SLC24A2: variants seen among roughly 807,000 people sequenced by gnomAD.
SLC24A2 encodes solute carrier family 24 member 2, also known as sodium/potassium/calcium exchanger 2.
Under a neutral mutation model 62.0 loss-of-function variants are expected in SLC24A2, and 36 were observed. The observed-to-expected ratio is 0.58, with a 90% CI of 0.44 to 0.77. The LOEUF is 0.77. Among genes scored for constraint, SLC24A2 ranks in the 30% least tolerant of loss-of-function variants. The pLI is 0.00. For missense variants in SLC24A2, 846 were observed against 817.9 expected, an observed-to-expected ratio of 1.03 and a Z score of -0.42; for synonymous variants, 358 against 294.0, an observed-to-expected ratio of 1.22 and a Z score of -2.23.
chr9:20,267,454 G>A, the SLC24A2 span, among the ~76,000 whole-genome samples: 22 of 152,280 alleles, frequency 1.4e-4, 1 homozygote, highest in East Asian at 1.9e-4. Flanking sequence ...CCCGAGTGCC[G>A]CCACCACCCC....
chr9:20,294,496 G>A, the SLC24A2 span, among the ~76,000 whole-genome samples: 50 of 152,162 alleles, frequency 3.3e-4, no homozygotes, highest in Admixed American at 1.3e-3. Flanking sequence ...TCTTGTCTCA[G>A]AAATAATTCA....
the SLC24A2 span, among the ~76,000 whole-genome samples, chr9:19,900,550 T>C: frequency 6.6e-6 from 1 of 152,206 alleles, no homozygotes; most frequent in African/African-American, 2.4e-5. Context: ...ATTAACATTA[T>C]CTCTTATGAG....
At chr9:19,760,514 C>A (rs4977320) in intron 2 of SLC24A2, among the ~76,000 whole-genome samples, 1 of 151,820 alleles carries the variant, frequency 6.6e-6, no homozygotes, top group Non-Finnish European at 1.5e-5. Context: ...CTATCCCTCC[C>A]CTTGTCCCTG....
chr9:19,743,555 C>G (rs1435941398), intron 2 of SLC24A2, among the ~76,000 whole-genome samples: 2 of 152,152 alleles, frequency 1.3e-5, no homozygotes, highest in Non-Finnish European at 2.9e-5. Flanking sequence ...AGAGCAGTTA[C>G]TGCGCAGTAC....
At position 19,641,397 on chromosome 9, in the gene SLC24A2, C is replaced by A. The variant is rs377206660; in HGVS notation, c.931-19098G>T. On this transcript the variant is annotated intron_variant, in intron 2 of 10. Transcript: ENST00000341998. ...TGTCTAGTGGGCATAATAAACTTAA[C>A]AAAACCAAAGTTCACTTTCAAAGAT... is the stretch of plus-strand genomic sequence containing the variant. Among the ~76,000 whole-genome samples, 4 of 152,226 alleles carry A rather than the reference C, an allele frequency of 2.6e-5. No homozygotes were observed. In the East Asian group the frequency reaches 7.7e-4, roughly 29 times the overall value.
At chr9:19,821,361 T>A in the SLC24A2 span, among the ~76,000 whole-genome samples, 1 of 152,142 alleles carries the variant, frequency 6.6e-6, no homozygotes, top group Non-Finnish European at 1.5e-5. Flanking sequence ...GTGATGATTG[T>A]CCCTATTGCT....
At chr9:19,693,519 C>T (rs1820100750) in intron 2 of SLC24A2, among the ~76,000 whole-genome samples, 1 of 152,110 alleles carries the variant, frequency 6.6e-6, no homozygotes. Flanking sequence ...TAGATGAAAG[C>T]ATTGCCTTTA....
chr9:19,783,547 TC>T (rs1466445922), intron 2 of SLC24A2, among the ~76,000 whole-genome samples: 1 of 152,160 alleles, frequency 6.6e-6, no homozygotes, highest in African/African-American at 2.4e-5. Flanking sequence ...CCAGGATTCA[TC>T]CCCATTTCAG....
chr9:19,614,438 T>C (rs1201722102), intron 4 of SLC24A2, among the ~76,000 whole-genome samples: 1 of 152,168 alleles, frequency 6.6e-6, no homozygotes, highest in Non-Finnish European at 1.5e-5. Flanking sequence ...ATGTGGTCCA[T>C]CCAGAGCACA....
chr9:20,103,768 T>G, the SLC24A2 span, among the ~76,000 whole-genome samples: 13 of 151,578 alleles, frequency 8.6e-5, no homozygotes, highest in African/African-American at 1.9e-4. Context: ...ACAGAAAAAC[T>G]GGAAACTCTA....
chr9:20,262,982 T>C, the SLC24A2 span, among the ~76,000 whole-genome samples: 1 of 152,196 alleles, frequency 6.6e-6, no homozygotes, highest in East Asian at 1.9e-4. Flanking sequence ...TCAGTTAATG[T>C]TCCCTGAGAG....
the SLC24A2 span, among the ~76,000 whole-genome samples, chr9:19,872,104 G>A: frequency 1.3e-5 from 2 of 152,144 alleles, no homozygotes; most frequent in Non-Finnish European, 2.9e-5. Flanking sequence ...TCCAATTGTG[G>A]AACCTGGTGG....
At chr9:20,001,911 C>T in the SLC24A2 span, among the ~76,000 whole-genome samples, 1 of 152,252 alleles carries the variant, frequency 6.6e-6, no homozygotes, top group African/African-American at 2.4e-5. Context: ...GAAAAATGTA[C>T]TTCATGGAAA....
Position 19,521,504 on chromosome 9 carries a change from A to G in SLC24A2, c.1570-444T>C, listed in dbSNP as rs16937590. On this transcript the variant is annotated intron_variant, in intron 9 of 10. Transcript: ENST00000341998. ...CCCAGGGTCTCCATTCTCCTTTAGCATCTCCTAGTGTCTATAATCTATTCT... is the reference window on the plus strand; with the variant it reads ...CCCAGGGTCTCCATTCTCCTTTAGCGTCTCCTAGTGTCTATAATCTATTCT... Among the ~76,000 whole-genome samples the G allele has an allele frequency of 8.2e-3, 1,244 of 152,328 alleles. 12 individuals are homozygous for G. Among genetic ancestry groups the G allele is most frequent in the African/African-American group, 0.028 (1,173 of 41,572 alleles).
At chr9:19,558,106 C>G (rs185158046) in intron 7 of SLC24A2, among the ~76,000 whole-genome samples, 184 of 152,228 alleles carry the variant, frequency 1.2e-3, no homozygotes, top group African/African-American at 4.1e-3. Context: ...CCAGGCCTCA[C>G]ATTTCCTTAA....
At chr9:20,156,735 G>A in the SLC24A2 span, among the ~76,000 whole-genome samples, 54 of 151,856 alleles carry the variant, frequency 3.6e-4, 1 homozygote, top group African/African-American at 1.3e-3. Context: ...TTCCACCAAT[G>A]TCTAGAGTTT....
the SLC24A2 span, among the ~76,000 whole-genome samples, chr9:20,200,458 C>T: frequency 4.9e-4 from 74 of 152,310 alleles, no homozygotes; most frequent in African/African-American, 9.9e-4. Context: ...AAATTTATCC[C>T]GCTAAACCCA....
chr9:19,922,411 C>T, the SLC24A2 span, among the ~76,000 whole-genome samples: 3 of 151,954 alleles, frequency 2.0e-5, no homozygotes, highest in Non-Finnish European at 4.4e-5. Context: ...TTTTATGCAC[C>T]CTATTTATTT....
At chr9:19,880,469 A>G in the SLC24A2 span, among the ~76,000 whole-genome samples, 1 of 152,188 alleles carries the variant, frequency 6.6e-6, no homozygotes, top group Non-Finnish European at 1.5e-5. Flanking sequence ...TGTCATGGCC[A>G]CGGAAGTGGG....
Sources: gnomAD v4.1 joint callset for allele counts (sites outside exome capture counted in the v4.1 genomes callset) on GRCh38, gnomAD v4.1.1 for gene constraint, MANE v1.5 for transcripts, NCBI Gene and HGNC (gene_info 2026-07-23, HGNC 2026-07-21) for gene names.